Variants in ANKRD30B observed in about 807,000 individuals in gnomAD.
The protein encoded by ANKRD30B is ankyrin repeat domain 30B.
Under a neutral mutation model 202.2 loss-of-function variants are expected in ANKRD30B, and 144 were observed. That is an observed-to-expected ratio of 0.71 (90% confidence interval 0.62 to 0.82). ANKRD30B has a LOEUF of 0.82. Among genes scored for constraint, ANKRD30B ranks in the 40% least tolerant of loss-of-function variants. ANKRD30B has a pLI of 0.00. For synonymous variants in ANKRD30B, 508 were observed against 561.3 expected (o/e 0.91, Z 1.34); for missense variants, 1,487 against 1,669.1 (o/e 0.89, Z 1.90).
rs766346922 is a variant in ANKRD30B at position 14,828,327 on chromosome 18, T to C, written c.2774+19T>C. On this transcript the variant is annotated intron_variant, in intron 33 of 43. Transcript: ENST00000690538. ...CATTCAGGTAAGACTTTGCGGTTTT[T>C]TAAAACGTATATGTTAACTCAGAAA... is the stretch of plus-strand genomic sequence containing the variant. 3.5e-5 allele frequency: 53 copies of C among 1,513,012 alleles called. 1 individual carries two copies. In the East Asian group the frequency reaches 1.3e-3, roughly 37 times the overall value. The allele number at this position is 1,513,012 out of a possible 1,614,324, so 93.7% of individuals were successfully genotyped here.
chr18:14,911,781 G>A, the ANKRD30B span, among the ~76,000 whole-genome samples: 2 of 152,084 alleles, frequency 1.3e-5, no homozygotes, highest in Non-Finnish European at 2.9e-5. Context: ...CCATTTGTTT[G>A]TGTGATCAAT....
At chr18:14,748,732 C>G in intron 1 of ANKRD30B, 92 bp downstream of exon 1, 1 of 1,287,574 alleles carries the variant, frequency 7.8e-7, no homozygotes, top group Middle Eastern at 2.4e-4. Flanking sequence ...GTCCTGGGGA[C>G]GAGGGGAGCA....
the ANKRD30B span, chr18:14,884,096 G>A: frequency 2.9e-5 from 4 of 136,202 alleles, no homozygotes; most frequent in East Asian, 8.6e-4. Context: ...ATGAGTGTAG[G>A]CAGAGGTAAC....
the ANKRD30B span, among the ~76,000 whole-genome samples, chr18:14,865,024 C>T: frequency 9.9e-5 from 15 of 151,668 alleles, no homozygotes; most frequent in African/African-American, 3.4e-4. Flanking sequence ...CCATCTACCC[C>T]GAACTATTTT....
chr18:14,790,215 G>A (rs1968378536), intron 15 of ANKRD30B, among the ~76,000 whole-genome samples: 2 of 152,256 alleles, frequency 1.3e-5, no homozygotes, highest in Middle Eastern at 3.4e-3. Context: ...GTGTAAGAAT[G>A]CTTGTGATTT....
At chr18:14,847,054 A>ATGTG (rs1293776468) in intron 39 of ANKRD30B, among the ~76,000 whole-genome samples, 221 of 17,104 alleles carry the variant, frequency 0.013, no homozygotes, top group African/African-American at 0.037. Context: ...TTAGTTTTAT[A>ATGTG]TATATATATA....
chr18:14,778,868 A>G (rs552948186), intron 10 of ANKRD30B, among the ~76,000 whole-genome samples: 5 of 152,214 alleles, frequency 3.3e-5, no homozygotes, highest in African/African-American at 4.8e-5. Context: ...AAGACATAAC[A>G]GGGTCAAGGG....
intron 30 of ANKRD30B, among the ~76,000 whole-genome samples, chr18:14,820,371 T>A (rs1336784216): frequency 1.3e-5 from 2 of 152,206 alleles, no homozygotes; most frequent in African/African-American, 4.8e-5. Flanking sequence ...TCCTGCCTCA[T>A]TGCCCTGGCC....
At chr18:14,786,415 A>G (rs1027052129) in intron 14 of ANKRD30B, among the ~76,000 whole-genome samples, 2 of 152,208 alleles carry the variant, frequency 1.3e-5, no homozygotes, top group Non-Finnish European at 2.9e-5. Flanking sequence ...TTAGGGAAGC[A>G]GTGTGTCGTT....
chr18:14,918,322 T>C, the ANKRD30B span, among the ~76,000 whole-genome samples: 1 of 152,216 alleles, frequency 6.6e-6, no homozygotes, highest in Non-Finnish European at 1.5e-5. Context: ...AACTGGGATG[T>C]CAGCAATACA....
the ANKRD30B span, among the ~76,000 whole-genome samples, chr18:14,930,066 A>T: frequency 1.6e-4 from 25 of 152,264 alleles, no homozygotes; most frequent in South Asian, 3.9e-3. Flanking sequence ...TGTTAGATGA[A>T]TGTATTGCCT....
In ANKRD30B at chr18:14,804,574, T is replaced by A. The variant is rs1252704424; in HGVS notation, c.2284+750T>A. ...TGCTGGTGGTCGTTGGACCTTGCTC[T>A]GAGTAGCAAGATGAGAGACCTTTGT... On this transcript the variant is annotated intron_variant, in intron 24 of 43. Transcript: ENST00000690538. Among the ~76,000 whole-genome samples the A allele has an allele frequency of 8.0e-5, 12 of 150,708 alleles. 2 individuals are homozygous for A. The highest frequency in any genetic ancestry group is 3.0e-4 in the African/African-American group (12 of 40,660).
chr18:14,850,954 A>G (rs1328661949), intron 41 of ANKRD30B, among the ~76,000 whole-genome samples: 2 of 152,084 alleles, frequency 1.3e-5, no homozygotes, highest in Non-Finnish European at 1.5e-5. Context: ...TGTGATAACT[A>G]AAAGTGCTTG....
At chr18:14,795,134 C>A (rs1007505985) in intron 16 of ANKRD30B, among the ~76,000 whole-genome samples, 2 of 152,128 alleles carry the variant, frequency 1.3e-5, no homozygotes, top group African/African-American at 2.4e-5. Context: ...TTGAAATATG[C>A]AGGTTAATGA....
intron 28 of ANKRD30B, among the ~76,000 whole-genome samples, chr18:14,810,972 G>A (rs1969883926): frequency 1.3e-5 from 2 of 151,060 alleles, no homozygotes; most frequent in South Asian, 2.1e-4. Flanking sequence ...AACAATAGCC[G>A]GTTGTGGTGG....
the ANKRD30B span, among the ~76,000 whole-genome samples, chr18:14,913,258 G>A: frequency 1.3e-5 from 2 of 152,172 alleles, no homozygotes; most frequent in Admixed American, 1.3e-4. Context: ...ATAAAGGATT[G>A]CTGCCGAAGT....
chr18:14,887,174 T>A, the ANKRD30B span, among the ~76,000 whole-genome samples: 1 of 152,092 alleles, frequency 6.6e-6, no homozygotes, highest in Admixed American at 6.5e-5. Flanking sequence ...TATGAAAGAC[T>A]TTGGAAGTGG....
At chr18:14,916,859 C>T in the ANKRD30B span, among the ~76,000 whole-genome samples, 17 of 152,094 alleles carry the variant, frequency 1.1e-4, no homozygotes, top group East Asian at 3.3e-3. Flanking sequence ...TGAGCACTGT[C>T]ATTCCCACTT....
the ANKRD30B span, among the ~76,000 whole-genome samples, chr18:14,921,636 A>G: frequency 6.6e-6 from 1 of 152,220 alleles, no homozygotes. Context: ...AAAATGAACA[A>G]GACAGCTCCT....
Sources: gnomAD v4.1 joint callset for allele counts (sites outside exome capture counted in the v4.1 genomes callset) on GRCh38, gnomAD v4.1.1 for gene constraint, MANE v1.5 for transcripts, NCBI Gene and HGNC (gene_info 2026-07-23, HGNC 2026-07-21) for gene names.